Variants in PHKA2 observed in about 807,000 individuals in gnomAD.
PHKA2 encodes the protein phosphorylase b kinase regulatory subunit alpha, liver isoform.
A neutral mutation model predicts 102.0 loss-of-function variants in PHKA2; 31 were observed. That is an observed-to-expected ratio of 0.30 (90% CI 0.23 to 0.41). The LOEUF (loss-of-function observed/expected upper bound fraction) is 0.41. PHKA2 is among the 10% of genes least tolerant of loss of function. The pLI, the probability that PHKA2 is intolerant of heterozygous loss-of-function variation, is 1.00. For synonymous variants in PHKA2, 455 were observed against 416.2 expected (o/e 1.09, Z -1.13); for missense variants, 858 against 1,023.1 (o/e 0.84, Z 2.20).
chrX:18,953,068 C>G (rs767601697), intron 2 of PHKA2, among the ~76,000 whole-genome samples: 2 of 111,913 alleles, frequency 1.8e-5, no homozygotes, highest in Non-Finnish European at 3.8e-5. Flanking sequence ...AACAATAATG[C>G]TACGTTAATA....
At chrX:18,901,678 TC>T (rs1244538108) in intron 26 of PHKA2, 75 bp from the exon 27 acceptor site, 3 of 683,441 alleles carry the variant, frequency 4.4e-6, no homozygotes, top group Non-Finnish European at 7.1e-6. Context: ...TGCCCCTGTC[TC>T]CCCCACTTGA....
intron 19 of PHKA2, among the ~76,000 whole-genome samples, chrX:18,913,029 G>A (rs971692596): frequency 9.3e-6 from 1 of 107,288 alleles, no homozygotes; most frequent in Non-Finnish European, 1.9e-5. Flanking sequence ...AGTAAGCCCT[G>A]ATCGTGGCAC....
At chrX:18,916,084 C>T (rs778565097) in intron 19 of PHKA2, among the ~76,000 whole-genome samples, 11 of 112,042 alleles carry the variant, frequency 9.8e-5, no homozygotes, top group African/African-American at 3.2e-4. Flanking sequence ...ATCCTAAACA[C>T]TTTCAAAGAG....
In PHKA2 at chrX:18,900,712, A is replaced by G; in HGVS notation, c.3028-13T>C. 8.3e-7 allele frequency: 1 copy of G among 1,203,266 alleles called. No individual in the cohort carries two copies. Among genetic ancestry groups the G allele is most frequent in the Non-Finnish European group, 1.1e-6 (1 of 887,707 alleles). On this transcript the variant is annotated splice_polypyrimidine_tract_variant and intron_variant, in intron 27 of 32. Transcript: ENST00000379942. Reference sequence around the variant, plus strand: ...ACCGCCTAGTCATCTGAAAGCAAAAATACATCAGGAAATCAAAACCAGCTT... The same window carrying G: ...ACCGCCTAGTCATCTGAAAGCAAAAGTACATCAGGAAATCAAAACCAGCTT...
chrX:18,923,537 T>C (rs990242421), intron 17 of PHKA2, among the ~76,000 whole-genome samples: 1 of 111,934 alleles, frequency 8.9e-6, no homozygotes, highest in African/African-American at 3.2e-5. Flanking sequence ...TTGGGGCCTG[T>C]AAACCAGAAG....
chrX:18,931,201 C>T (rs1302128488), intron 12 of PHKA2, among the ~76,000 whole-genome samples: 3 of 112,291 alleles, frequency 2.7e-5, no homozygotes, highest in Admixed American at 1.9e-4. Flanking sequence ...AGAGAAAATC[C>T]GGCCCGCCAC....
chrX:18,908,093 G>A (rs1338418910), intron 21 of PHKA2, 37 bp from the exon 22 acceptor site: 2 of 1,171,654 alleles, frequency 1.7e-6, no homozygotes, highest in African/African-American at 3.5e-5. Context: ...ATATGGTCCA[G>A]AAAGTTTAGA....
At chrX:18,944,957 C>T (rs2048554478) in intron 6 of PHKA2, 121 bp downstream of exon 6, 2 of 561,090 alleles carry the variant, frequency 3.6e-6, no homozygotes, top group Non-Finnish European at 6.4e-6. Context: ...TTGAATTTCA[C>T]ATCCTTGATG....
rs1322052162 is a variant in PHKA2 at position 18,894,115 on chromosome X, G to A, written c.3537+89C>T. ...CCATCATCTGTGATGACATTTTCTTGGTTCGAGTATATTCTTTCCTATTGG... is the reference window on the plus strand; with the variant it reads ...CCATCATCTGTGATGACATTTTCTTAGTTCGAGTATATTCTTTCCTATTGG... On this transcript the variant is annotated intron_variant, in intron 32 of 32. Coordinates refer to ENST00000379942, the MANE Select transcript of PHKA2 (RefSeq NM_000292.3). The A allele has an allele frequency of 5.9e-6, 5 of 852,896 alleles. No individual in the cohort carries two copies. In the African/African-American group the frequency reaches 6.0e-5, roughly 10 times the overall value. The allele number at this position is 852,896 out of a possible 1,213,427, so 70.3% of individuals were successfully genotyped here. A position where few individuals can be genotyped will look rare whatever the true frequency, so the allele number is the denominator to read the frequency against.
At chrX:18,902,238 C>A (rs1184487001) in intron 26 of PHKA2, among the ~76,000 whole-genome samples, 2 of 110,269 alleles carry the variant, frequency 1.8e-5, no homozygotes, top group African/African-American at 3.3e-5. Flanking sequence ...TGGGCTCAGG[C>A]GATCCTTCCG....
intron 11 of PHKA2, among the ~76,000 whole-genome samples, chrX:18,935,261 T>C (rs937137708): frequency 8.9e-6 from 1 of 112,399 alleles, no homozygotes; most frequent in Non-Finnish European, 1.9e-5. Context: ...GGAAACTTGA[T>C]AGAATAAAAC....
intron 31 of PHKA2, 130 bp downstream of exon 31, chrX:18,895,008 C>A: frequency 1.5e-6 from 1 of 651,829 alleles, no homozygotes; most frequent in Non-Finnish European, 2.6e-6. Flanking sequence ...AGGGGCTAGA[C>A]AGCTCAGAGC....
At chrX:18,959,475 A>G (rs1432583703) in intron 1 of PHKA2, among the ~76,000 whole-genome samples, 1 of 111,729 alleles carries the variant, frequency 9.0e-6, no homozygotes, top group African/African-American at 3.3e-5. Flanking sequence ...TATCATTACT[A>G]TAAACATTAC....
intron 22 of PHKA2, 35 bp from the exon 23 acceptor site, chrX:18,907,132 G>A (rs913066818): frequency 1.7e-5 from 17 of 1,027,856 alleles, no homozygotes; most frequent in Non-Finnish European, 2.1e-5. Flanking sequence ...GAGGCAGAGC[G>A]CGAGAGAGAT....
chrX:18,962,489 C>T (rs1764059105), intron 1 of PHKA2, among the ~76,000 whole-genome samples: 1 of 111,514 alleles, frequency 9.0e-6, no homozygotes, highest in Non-Finnish European at 1.9e-5. Context: ...ACACATACAC[C>T]CCCACCCCTG....
At chrX:18,956,024 G>T (rs2048768354) in intron 1 of PHKA2, among the ~76,000 whole-genome samples, 1 of 112,044 alleles carries the variant, frequency 8.9e-6, no homozygotes, top group South Asian at 3.7e-4. Context: ...TTTAAATAAC[G>T]TATAACATAA....
intron 1 of PHKA2, among the ~76,000 whole-genome samples, chrX:18,954,681 G>A (rs189107332): frequency 6.7e-4 from 76 of 112,618 alleles, no homozygotes; most frequent in African/African-American, 1.8e-3. Flanking sequence ...GCTTTCAGAC[G>A]AGACCACACT....
rs1442244954 is a variant in PHKA2 at position 18,895,132 on chromosome X, T to C, written c.3336+6A>G. ...GGGGCCCGCCTCTGCGTTTTTCTCA[T>C]CGTACCTCTCGGGTCGTCGAGGATG... On this transcript the variant is annotated splice_donor_region_variant and intron_variant, in intron 31 of 32. Transcript: ENST00000379942. 1 of 1,209,599 alleles carries C rather than the reference T, an allele frequency of 8.3e-7. No homozygotes were observed. Among genetic ancestry groups the C allele is most frequent in the South Asian group, 1.8e-5 (1 of 56,857 alleles).
At chrX:18,936,678 A>T (rs2048398661) in intron 10 of PHKA2, among the ~76,000 whole-genome samples, 1 of 112,436 alleles carries the variant, frequency 8.9e-6, no homozygotes, top group Non-Finnish European at 1.9e-5. Flanking sequence ...TAAAAAAAGA[A>T]TAACATTCTG....
Sources: allele counts gnomAD v4.1 joint callset (sites outside exome capture counted in the v4.1 genomes callset), GRCh38; gene constraint gnomAD v4.1.1; transcripts MANE v1.5; gene names NCBI Gene and HGNC (gene_info 2026-07-23, HGNC 2026-07-21).